Variants in PABPC1L observed in about 807,000 individuals in gnomAD.
PABPC1L encodes polyadenylate-binding protein 1-like.
Under a neutral mutation model 66.6 loss-of-function variants are expected in PABPC1L, and 31 were observed. The ratio of observed to expected loss-of-function variants is 0.47; its 90% confidence interval spans 0.35 to 0.63. The LOEUF (loss-of-function observed/expected upper bound fraction) is 0.63. Ranked by LOEUF, PABPC1L falls within the 20% of genes least tolerant of loss-of-function variation. The pLI is 0.00. For missense variants in PABPC1L, 722 were observed against 848.8 expected (o/e 0.85, Z 1.86); for synonymous variants, 348 against 335.1 (o/e 1.04, Z -0.42).
intron 11 of PABPC1L, 120 bp from the exon 12 acceptor site, chr20:44,936,517 C>A (rs2066901618): frequency 6.6e-6 from 5 of 761,646 alleles, no homozygotes; most frequent in South Asian, 3.7e-5. Flanking sequence ...ATCATCCAGA[C>A]CTTGCCCTCT....
intron 3 of PABPC1L, among the ~76,000 whole-genome samples, chr20:44,918,703 A>G (rs1395829028): frequency 1.3e-5 from 2 of 152,206 alleles, no homozygotes; most frequent in Non-Finnish European, 2.9e-5. Context: ...TCTGCTGGGG[A>G]CAAGCTCTGG....
chr20:44,918,492 G>C (rs1185358182), intron 3 of PABPC1L, among the ~76,000 whole-genome samples: 2 of 152,152 alleles, frequency 1.3e-5, no homozygotes, highest in African/African-American at 2.4e-5. Context: ...GAGAATTTGA[G>C]TCCCAATTTT....
At chr20:44,916,931 G>A (rs1299037449) in intron 3 of PABPC1L, 60 bp downstream of exon 3, 30 of 1,506,590 alleles carry the variant, frequency 2.0e-5, no homozygotes, top group Middle Eastern at 1.7e-4. Context: ...TGGCACCACC[G>A]ACTAGGAATC....
chr20:44,932,763 G>A, intron 9 of PABPC1L: 2 of 498,022 alleles, frequency 4.0e-6, no homozygotes, highest in Non-Finnish European at 7.2e-6. Flanking sequence ...CTCTGTAAGA[G>A]TGAATTGCAC....
At chr20:44,935,330 GT>G (rs779515066) in intron 10 of PABPC1L, 60 bp from the exon 11 acceptor site, 16 of 1,274,114 alleles carry the variant, frequency 1.3e-5, no homozygotes, top group Non-Finnish European at 1.8e-5. Context: ...GTTTTGTTTT[GT>G]TTTTGGATAG....
Position 44,935,419 on chromosome 20 carries a change from C to T in PABPC1L, c.1488C>T (p.Pro496=), listed in dbSNP as rs779333401. 6.8e-6 allele frequency: 11 copies of T among 1,613,978 alleles called. No individual in the cohort carries two copies. The highest frequency in any genetic ancestry group is 8.5e-6 in the Non-Finnish European group (10 of 1,180,008). ...VANIGTQTTG[P]SGVGCCTPGR... The stretch of plus-strand genomic sequence containing the variant: ...ACATTGGTACTCAGACCACAGGACC[C>T]AGTGGGGTAGGATGCTGTACACCAG... Residue 496 remains proline (P), a synonymous_variant, in exon 11 of 15, where the codon CCC becomes CCT. Transcript: ENST00000217073.
In PABPC1L at chr20:44,937,786, C is replaced by A. The variant is rs1361272354; in HGVS notation, c.1661-275C>A. 4.5e-5 allele frequency: 18 copies of A among 404,112 alleles called. No homozygotes were observed. In the South Asian group the frequency reaches 6.5e-4, roughly 14 times the overall value. 25.0% of individuals were successfully genotyped at this position (404,112 alleles called of 1,614,324 possible). Reference sequence around the variant, plus strand: ...GTTAGTAGTTCTCTGTAAACATTTTCACTTTCTTCATGGGACGATCCTTTC... The same window carrying A: ...GTTAGTAGTTCTCTGTAAACATTTTAACTTTCTTCATGGGACGATCCTTTC... On this transcript the variant is annotated intron_variant, in intron 12 of 14. Transcript: ENST00000217073.
chr20:44,938,783 G>A (rs1234672457), intron 14 of PABPC1L, 35 bp downstream of exon 14: 2 of 1,587,214 alleles, frequency 1.3e-6, no homozygotes, highest in African/African-American at 1.3e-5. Context: ...GCTGAGCCCG[G>A]GAGAAGCTGT....
chr20:44,912,882 G>A lies in PABPC1L; in HGVS notation c.387+29G>A, dbSNP rs374126825. On this transcript the variant is annotated intron_variant, in intron 2 of 14. Transcript: ENST00000217073. ...GAGGATGAAGGGTGTACGTCTTTGG[G>A]TAGATCGGTGTCAACTACCTGCCTG... 12 of 1,570,324 alleles carry A rather than the reference G, an allele frequency of 7.6e-6. No homozygotes were observed. The African/African-American group carries it at 1.2e-4, about 16-fold the overall frequency.
In PABPC1L at chr20:44,910,296, G is replaced by T. The variant is rs1470240000; in HGVS notation, c.153G>T (p.Ser51=). 1 of 1,544,780 alleles carries T rather than the reference G, an allele frequency of 6.5e-7. No individual in the cohort carries two copies. The highest frequency in any genetic ancestry group is 2.0e-5 in the Admixed American group (1 of 50,958). ...GCCGCGATGTAGCCACCCGGCGCTC[G>T]CTGGGCTACGCCTACATCAACTTCC... ...RVCRDVATRR[S]LGYAYINFQQ... is the part of the protein sequence containing the mutation. The change falls in exon 1 of 15, where the codon TCG becomes TCT. Residue 51 remains serine (S), a synonymous_variant. Coordinates refer to ENST00000217073, the MANE Select transcript of PABPC1L (RefSeq NM_001372179.1).
At chr20:44,932,189 G>A (rs2066864904) in intron 8 of PABPC1L, 153 bp from the exon 9 acceptor site, 1 of 487,328 alleles carries the variant, frequency 2.1e-6, no homozygotes, top group Non-Finnish European at 3.6e-6. Flanking sequence ...CCTGAGATGG[G>A]AGGAAGGAGC....
In PABPC1L at chr20:44,937,804, A is replaced by G. The variant is rs560330761; in HGVS notation, c.1661-257A>G. The G allele has an allele frequency of 7.7e-5, 36 of 469,758 alleles. No individual in the cohort carries two copies. In the South Asian group the frequency reaches 1.1e-3, roughly 14 times the overall value. 29.1% of individuals were successfully genotyped at this position (469,758 alleles called of 1,614,324 possible). On this transcript the variant is annotated intron_variant, in intron 12 of 14. Transcript: ENST00000217073. ...ACATTTTCACTTTCTTCATGGGACG[A>G]TCCTTTCCGCCCCCACTTAAGGCAC...
At chr20:44,934,236 G>A (rs16989503) in intron 10 of PABPC1L, among the ~76,000 whole-genome samples, 6,553 of 152,306 alleles carry the variant, frequency 0.043, 475 homozygotes, top group African/African-American at 0.15. Context: ...AGCACTGGAG[G>A]TTCTGCGTGA....
At chr20:44,931,182 C>CCCTTCCTTCCTTCCTT (rs1276188511) in intron 8 of PABPC1L, among the ~76,000 whole-genome samples, 1 of 145,022 alleles carries the variant, frequency 6.9e-6, no homozygotes, top group Non-Finnish European at 1.5e-5. Context: ...CTCCCTTCCT[C>CCCTTCCTTCCTTCCTT]CCTTCCTCCC....
intron 5 of PABPC1L, among the ~76,000 whole-genome samples, chr20:44,920,852 G>C (rs139577281): frequency 6.6e-6 from 1 of 151,242 alleles, no homozygotes; most frequent in Admixed American, 6.6e-5. Context: ...TCTGTCTGTC[G>C]TCCAGGCTGT....
At chr20:44,913,871 A>G (rs1956034158) in intron 2 of PABPC1L, among the ~76,000 whole-genome samples, 1 of 152,206 alleles carries the variant, frequency 6.6e-6, no homozygotes, top group Non-Finnish European at 1.5e-5. Flanking sequence ...CTTACATTAG[A>G]TGTAAGTTCC....
chr20:44,913,367 G>A (rs149411092), intron 2 of PABPC1L, among the ~76,000 whole-genome samples: 8 of 152,010 alleles, frequency 5.3e-5, no homozygotes, highest in South Asian at 2.1e-4. Context: ...AGCACACCAG[G>A]CCTCTTGAGA....
chr20:44,914,867 C>T (rs1021599235), intron 2 of PABPC1L, among the ~76,000 whole-genome samples: 2 of 152,208 alleles, frequency 1.3e-5, no homozygotes, highest in Admixed American at 6.5e-5. Flanking sequence ...CAAAGAATTA[C>T]TTCTGTTGGC....
intron 2 of PABPC1L, among the ~76,000 whole-genome samples, chr20:44,913,521 A>G: frequency 6.6e-6 from 1 of 152,030 alleles, no homozygotes; most frequent in Non-Finnish European, 1.5e-5. Flanking sequence ...CCTGAGTTCA[A>G]ACGATTCTCC....
Sources: gnomAD v4.1 joint callset for allele counts (sites outside exome capture counted in the v4.1 genomes callset) on GRCh38, gnomAD v4.1.1 for gene constraint, MANE v1.5 for transcripts, NCBI Gene and HGNC (gene_info 2026-07-23, HGNC 2026-07-21) for gene names.